Variants in PLCD4 observed in about 807,000 individuals in gnomAD.
PLCD4 encodes the protein 1-phosphatidylinositol 4,5-bisphosphate phosphodiesterase delta-4.
PLCD4 carries 63 observed loss-of-function variants against 90.2 expected under a neutral mutation model. That is an observed-to-expected ratio of 0.70 (90% CI 0.57 to 0.86). PLCD4 has a LOEUF of 0.86. Among genes scored for constraint, PLCD4 ranks in the 40% least tolerant of loss-of-function variants. The pLI, the probability that PLCD4 is intolerant of heterozygous loss-of-function variation, is 0.00. For synonymous variants in PLCD4, 294 were observed against 356.5 expected (o/e 0.82, Z 1.97); for missense variants, 830 against 956.3 (o/e 0.87, Z 1.74).
rs1357251285 is a variant in PLCD4, at chr2:218,634,021, G to A, written c.1607-84G>A. On this transcript the variant is annotated intron_variant, in intron 11 of 15. Coordinates refer to ENST00000450993, the MANE Select transcript of PLCD4 (RefSeq NM_032726.4). This position sits in a 1 kb window ranked among gnomAD's most constrained non-coding sequence, Gnocchi z 4.0. ...GCCAGCTTCAGATGCTGGAGAGAAGGGTGAAGAGTAGGCATGGTCCTTGGG... is the reference window on the plus strand; with the variant it reads ...GCCAGCTTCAGATGCTGGAGAGAAGAGTGAAGAGTAGGCATGGTCCTTGGG... 11 of 1,507,944 alleles carry A rather than the reference G, an allele frequency of 7.3e-6. No individual in the cohort carries two copies. The highest frequency in any genetic ancestry group is 6.9e-5 in the African/African-American group (5 of 72,098). 93.4% of individuals were successfully genotyped at this position (1,507,944 alleles called of 1,614,324 possible).
At position 218,635,864 on chromosome 2, in the gene PLCD4, G is replaced by T; in HGVS notation, c.1965G>T (p.Val655=). 4 of 1,613,994 alleles carry T rather than the reference G, an allele frequency of 2.5e-6. No homozygotes were observed. Among genetic ancestry groups the T allele is most frequent in the East Asian group, 2.2e-5 (1 of 44,878 alleles). The change falls in exon 14 of 16, where the codon GTG becomes GTT. Residue 655 remains valine, a synonymous_variant. Transcript: ENST00000450993. ...TKEGSIVDPL[V]KVQIFGVRLD... is the part of the protein sequence containing the mutation. The stretch of plus-strand genomic sequence containing the variant: ...AGGGGTCCATTGTGGATCCACTGGT[G>T]AAAGTGCAGATCTTTGGCGTTCGTC...
chr2:218,611,961 G>A (rs1305904111), intron 1 of PLCD4, among the ~76,000 whole-genome samples: 1 of 150,256 alleles, frequency 6.7e-6, no homozygotes, highest in African/African-American at 2.5e-5. Context: ...ATGGAGTCTA[G>A]CTCTGTCGCC....
rs775175402 is a variant in PLCD4, at chr2:218,636,234, C to T, written c.2033-9C>T. 3 of 1,613,158 alleles carry T rather than the reference C, an allele frequency of 1.9e-6. No homozygotes were observed. In the East Asian group the frequency reaches 6.7e-5, roughly 36 times the overall value. ...ATGTCTTCTTATTTCTTTCTGTCCA[C>T]CAACTCAGGTTTTAATCCATACTGG... On this transcript the variant is annotated splice_polypyrimidine_tract_variant and intron_variant, in intron 14 of 15. Transcript: ENST00000450993.
At chr2:218,632,422 C>A in intron 10 of PLCD4, 110 bp downstream of exon 10, 1 of 1,097,332 alleles carries the variant, frequency 9.1e-7, no homozygotes, top group Non-Finnish European at 1.3e-6. Context: ...GAGCAATGAC[C>A]CTTCCTCCCA....
At chr2:218,627,898 C>A in intron 6 of PLCD4, 131 bp from the exon 7 acceptor site, 1 of 757,520 alleles carries the variant, frequency 1.3e-6, no homozygotes, top group Non-Finnish European at 2.1e-6. Flanking sequence ...AGTTTGGGAT[C>A]TAAAGGCTGG....
Position 218,634,559 on chromosome 2 carries a change from C to G in PLCD4, c.1825C>G (p.Arg609Gly), listed in dbSNP as rs779560665. The change falls in exon 13 of 16, where the codon CGT (arginine) becomes GGT (glycine). Residue 609 changes from arginine to glycine, a missense_variant. Physicochemically the swap from Arg to Gly is moderately radical, Grantham distance 125. Coordinates refer to ENST00000450993, the MANE Select transcript of PLCD4 (RefSeq NM_032726.4). This position sits in a 1 kb window ranked among gnomAD's most constrained non-coding sequence, Gnocchi z 4.0. Reference sequence around the variant, plus strand: ...CTATGTGCTGAAGCCAGACTTCCTGCGTGATATCCAGAGTTCTTTCCACCC... The same window carrying G: ...CTATGTGCTGAAGCCAGACTTCCTGGGTGATATCCAGAGTTCTTTCCACCC... Reference protein sequence around the residue: ...CGYVLKPDFLRDIQSSFHPEK... With the variant: ...CGYVLKPDFLGDIQSSFHPEK... The G allele has an allele frequency of 1.7e-5, 27 of 1,613,920 alleles. No individual in the cohort carries two copies. The highest frequency in any genetic ancestry group is 2.3e-5 in the Non-Finnish European group (27 of 1,179,908).
chr2:218,633,931 G>A, intron 11 of PLCD4, 170 bp downstream of exon 11: 1 of 1,192,714 alleles, frequency 8.4e-7, no homozygotes, highest in Non-Finnish European at 1.2e-6. Context: ...AGTGGCTCAA[G>A]GGTCTAGGGG....
chr2:218,631,989 G>A (rs538291471), intron 9 of PLCD4, 147 bp from the exon 10 acceptor site: 1 of 737,990 alleles, frequency 1.4e-6, no homozygotes, highest in African/African-American at 1.8e-5. Context: ...AATTCCAATT[G>A]TATGTATCAA....
chr2:218,610,031 C>T (rs1056234140), intron 1 of PLCD4: 2 of 152,408 alleles, frequency 1.3e-5, no homozygotes, highest in Non-Finnish European at 2.9e-5. Flanking sequence ...CCTGTAATCC[C>T]AGCACTTTGG....
chr2:218,614,452 TTTTCCTC>T (rs1695490237), intron 1 of PLCD4, among the ~76,000 whole-genome samples: 1 of 134,090 alleles, frequency 7.5e-6, no homozygotes, highest in Non-Finnish European at 1.6e-5. Flanking sequence ...TGCCCAGCCT[TTTTCCTC>T]TTTTTATTGA....
At chr2:218,614,018 C>CTT (rs71036590) in intron 1 of PLCD4, among the ~76,000 whole-genome samples, 41 of 144,236 alleles carry the variant, frequency 2.8e-4, no homozygotes, top group East Asian at 1.4e-3. Flanking sequence ...TCTTCTTCTT[C>CTT]TTTTTTTTTT....
In PLCD4 at chr2:218,634,476, C is replaced by T; in HGVS notation, c.1742C>T (p.Thr581Ile). 3.1e-6 allele frequency: 5 copies of T among 1,613,730 alleles called. No homozygotes were observed. Among genetic ancestry groups the T allele is most frequent in the Non-Finnish European group, 4.2e-6 (5 of 1,179,746 alleles). ...CCCTCAGTGGCCATGAATATGCAGA[C>T]TGCAGGGCTTGAAATGGACATCTGT... Reference protein sequence around the residue: ...GCQMVAMNMQTAGLEMDICDG... With the variant: ...GCQMVAMNMQIAGLEMDICDG... The change falls in exon 13 of 16, where the codon ACT becomes ATT. Residue 581 changes from threonine to isoleucine, a missense_variant. Coordinates refer to ENST00000450993, the MANE Select transcript of PLCD4 (RefSeq NM_032726.4). This position sits in a 1 kb window ranked among gnomAD's most constrained non-coding sequence, Gnocchi z 4.0.
chr2:218,616,726 T>TACATAC (rs1553571847), intron 3 of PLCD4, among the ~76,000 whole-genome samples: 7 of 128,844 alleles, frequency 5.4e-5, no homozygotes, highest in Non-Finnish European at 9.7e-5. Flanking sequence ...AAAATACATA[T>TACATAC]ATACATACAT....
In PLCD4 at chr2:218,636,537, A is replaced by G. The variant is rs1696765689; in HGVS notation, c.2249A>G (p.Tyr750Cys). The stretch of plus-strand genomic sequence containing the variant: ...CTCCGCCCAGCTTCCATCTTTGTGT[A>G]TATCTGCATCCAGGAAGGCCTGGAG... ...ISLRPASIFVYICIQEGLEGD... is the reference protein window; with the variant it reads ...ISLRPASIFVCICIQEGLEGD... Residue 750 changes from tyrosine to cysteine, a missense_variant, in exon 16 of 16, where the codon TAT (tyrosine) becomes TGT (cysteine). Physicochemically the swap from Tyr to Cys is radical, Grantham distance 194. Coordinates refer to ENST00000450993, the MANE Select transcript of PLCD4 (RefSeq NM_032726.4). 1 of 1,613,970 alleles carries G rather than the reference A, an allele frequency of 6.2e-7. No homozygotes were observed. Among genetic ancestry groups the G allele is most frequent in the Admixed American group, 1.7e-5 (1 of 60,016 alleles).
Position 218,622,936 on chromosome 2 carries a change from T to G in PLCD4, c.772+58T>G, listed in dbSNP as rs984380632. 1.2e-5 allele frequency: 18 copies of G among 1,464,052 alleles called. No individual in the cohort carries two copies. The East Asian group carries it at 3.8e-4, about 31-fold the overall frequency. 90.7% of individuals were successfully genotyped at this position (1,464,052 alleles called of 1,614,324 possible). On this transcript the variant is annotated intron_variant, in intron 6 of 15. Coordinates refer to ENST00000450993, the MANE Select transcript of PLCD4 (RefSeq NM_032726.4). ...TAGGGGTTGGAGAGAGGGACATGAT[T>G]ACAAGGTCCAGAGACAAGCAGCCAT...
chr2:218,634,033 G>A lies in PLCD4; in HGVS notation c.1607-72G>A. The A allele has an allele frequency of 6.5e-7, 1 of 1,532,630 alleles. No homozygotes were observed. Among genetic ancestry groups the A allele is most frequent in the South Asian group, 1.2e-5 (1 of 81,814 alleles). 94.9% of individuals were successfully genotyped at this position (1,532,630 alleles called of 1,614,324 possible). A position where few individuals can be genotyped will look rare whatever the true frequency, so the allele number is the denominator to read the frequency against. ...TGCTGGAGAGAAGGGTGAAGAGTAGGCATGGTCCTTGGGACTAGGGAAGTG... is the reference window on the plus strand; with the variant it reads ...TGCTGGAGAGAAGGGTGAAGAGTAGACATGGTCCTTGGGACTAGGGAAGTG... On this transcript the variant is annotated intron_variant, in intron 11 of 15. Coordinates refer to ENST00000450993, the MANE Select transcript of PLCD4 (RefSeq NM_032726.4). This position sits in a 1 kb window ranked among gnomAD's most constrained non-coding sequence, Gnocchi z 4.0.
chr2:218,615,601 C>T, intron 1 of PLCD4, 106 bp from the exon 2 acceptor site: 1 of 872,764 alleles, frequency 1.1e-6, no homozygotes, highest in East Asian at 2.6e-5. Context: ...GTTTCTAAAC[C>T]TATCTAAAGT....
chr2:218,627,959 T>C (rs1575031019), intron 6 of PLCD4, 70 bp from the exon 7 acceptor site: 2 of 1,388,858 alleles, frequency 1.4e-6, no homozygotes, highest in African/African-American at 1.4e-5. Flanking sequence ...GGAGGAAGGA[T>C]GGACTGTAGG....
Position 218,636,402 on chromosome 2 carries a change from C to G in PLCD4, c.2182+10C>G. The G allele has an allele frequency of 6.2e-7, 1 of 1,613,984 alleles. No individual in the cohort carries two copies. The highest frequency in any genetic ancestry group is 8.5e-7 in the Non-Finnish European group (1 of 1,179,876). On this transcript the variant is annotated intron_variant, in intron 15 of 15. Coordinates refer to ENST00000450993, the MANE Select transcript of PLCD4 (RefSeq NM_032726.4). The stretch of plus-strand genomic sequence containing the variant: ...ACCTGCATGCAACAAGGTGAGCCAG[C>G]CCCTTTGGCCCCTGGCCAATACCCC...
Sources: allele counts gnomAD v4.1 joint callset (sites outside exome capture counted in the v4.1 genomes callset), GRCh38; gene constraint gnomAD v4.1.1; non-coding constraint Gnocchi (gnomAD v3.1); transcripts MANE v1.5; gene names NCBI Gene and HGNC (gene_info 2026-07-23, HGNC 2026-07-21).